Variants in IRAK3 observed in about 807,000 individuals in gnomAD.
The protein encoded by IRAK3 is interleukin 1 receptor associated kinase 3.
Under a neutral mutation model 56.6 loss-of-function variants are expected in IRAK3, and 57 were observed. That is an observed-to-expected ratio of 1.01 (90% CI 0.81 to 1.26). The LOEUF (loss-of-function observed/expected upper bound fraction) is 1.26. IRAK3 is among the 50% of genes most tolerant of loss of function. The probability of loss-of-function intolerance (pLI) is 0.00; values close to 1 mark genes in which losing one functional copy is unlikely to be tolerated. For missense variants in IRAK3, 703 were observed against 719.0 expected (o/e 0.98, Z 0.25); for synonymous variants, 258 against 255.7 (o/e 1.01, Z -0.09).
Position 66,248,301 on chromosome 12 carries a change from T to C in IRAK3, c.*130T>C. On this transcript the variant is annotated 3_prime_UTR_variant, in exon 12 of 12. Coordinates refer to ENST00000261233, the MANE Select transcript of IRAK3 (RefSeq NM_007199.3). ...CAATAGTGAGTTTGGGTGATGCAGA[T>C]AAACAATCTGGATAATTCCATTTCT... The C allele has an allele frequency of 1.5e-6, 1 of 684,128 alleles. No individual in the cohort carries two copies. 42.4% of individuals were successfully genotyped at this position (684,128 alleles called of 1,614,324 possible).
At chr12:66,224,297 G>T (rs1157679983) in intron 6 of IRAK3, among the ~76,000 whole-genome samples, 7 of 152,162 alleles carry the variant, frequency 4.6e-5, no homozygotes. Flanking sequence ...CTTCTCAGAT[G>T]TGACTAAGGC....
intron 8 of IRAK3, among the ~76,000 whole-genome samples, chr12:66,240,793 C>G (rs144523429): frequency 3.3e-4 from 49 of 148,636 alleles, no homozygotes; most frequent in Middle Eastern, 7.1e-3. Flanking sequence ...ACTGCTGGAC[C>G]CATATATATA....
At position 66,248,519 on chromosome 12, in the gene IRAK3, G is replaced by T. The variant is rs77221348; in HGVS notation, c.*348G>T. ...TAATGTCCTCTCCATCATCCTCAGTGTGAGTCCTCAGAGCCTCCATCTGCC... is the reference window on the plus strand; with the variant it reads ...TAATGTCCTCTCCATCATCCTCAGTTTGAGTCCTCAGAGCCTCCATCTGCC... On this transcript the variant is annotated 3_prime_UTR_variant, in exon 12 of 12. Coordinates refer to ENST00000261233, the MANE Select transcript of IRAK3 (RefSeq NM_007199.3). The T allele has an allele frequency of 2.8e-3, 517 of 183,458 alleles. 3 individuals are homozygous for T. Among genetic ancestry groups the T allele is most frequent in the Non-Finnish European group, 4.5e-3 (391 of 87,388 alleles). 11.4% of individuals were successfully genotyped at this position (183,458 alleles called of 1,614,324 possible). A position where few individuals can be genotyped will look rare whatever the true frequency, so the allele number is the denominator to read the frequency against.
intron 1 of IRAK3, among the ~76,000 whole-genome samples, chr12:66,195,980 A>AC (rs60733154): frequency 0.065 from 9,186 of 141,884 alleles, 354 homozygotes; most frequent in African/African-American, 0.12. Flanking sequence ...TAAAATTGAC[A>AC]CCCCCCCCCA....
chr12:66,207,780 A>G (rs1439125245), intron 2 of IRAK3, among the ~76,000 whole-genome samples: 3 of 151,424 alleles, frequency 2.0e-5, no homozygotes, highest in African/African-American at 7.3e-5. Context: ...TTTTTAATTC[A>G]TTTGTTATTT....
chr12:66,197,879 G>A (rs1409870766), intron 1 of IRAK3: 1 of 985,026 alleles, frequency 1.0e-6, no homozygotes, highest in Non-Finnish European at 1.2e-6. Context: ...CAGAGTCATG[G>A]CCTGCTGCAC....
At chr12:66,207,177 A>G (rs1330688152) in intron 2 of IRAK3, among the ~76,000 whole-genome samples, 2 of 152,146 alleles carry the variant, frequency 1.3e-5, no homozygotes, top group Non-Finnish European at 2.9e-5. Context: ...TTTTTAAAAA[A>G]TCTTCTATTT....
chr12:66,218,235 G>C (rs2052697313), intron 6 of IRAK3, among the ~76,000 whole-genome samples: 1 of 151,998 alleles, frequency 6.6e-6, no homozygotes, highest in African/African-American at 2.4e-5. Context: ...TAACACAAGA[G>C]GTGACATGAA....
chr12:66,210,911 G>A (rs879298871), intron 4 of IRAK3, among the ~76,000 whole-genome samples: 2 of 152,126 alleles, frequency 1.3e-5, no homozygotes, highest in African/African-American at 2.4e-5. Flanking sequence ...ATTTGTATTT[G>A]ATTCCTGTTT....
At chr12:66,233,005 A>G (rs1172515591) in intron 8 of IRAK3, among the ~76,000 whole-genome samples, 1 of 150,972 alleles carries the variant, frequency 6.6e-6, no homozygotes, top group Non-Finnish European at 1.5e-5. Context: ...TATTATTATT[A>G]TTATTATTAT....
At chr12:66,224,855 C>T (rs1363557343) in intron 6 of IRAK3, among the ~76,000 whole-genome samples, 27 of 152,152 alleles carry the variant, frequency 1.8e-4, no homozygotes, top group Non-Finnish European at 2.9e-5. Flanking sequence ...CTGAACAAGG[C>T]ACTCAGAACA....
chr12:66,248,387 A>G lies in IRAK3; in HGVS notation c.*216A>G. On this transcript the variant is annotated 3_prime_UTR_variant, in exon 12 of 12. Transcript: ENST00000261233. ...ATTGTTTTATCAGGATAATTGTCTC[A>G]TGACCAAATCCACGCTCAATTAGAG... 1 of 489,172 alleles carries G rather than the reference A, an allele frequency of 2.0e-6. No homozygotes were observed. Among genetic ancestry groups the G allele is most frequent in the East Asian group, 3.3e-5 (1 of 30,688 alleles). 30.3% of individuals were successfully genotyped at this position (489,172 alleles called of 1,614,324 possible).
At chr12:66,200,642 A>G (rs951382981) in intron 1 of IRAK3, among the ~76,000 whole-genome samples, 4 of 152,208 alleles carry the variant, frequency 2.6e-5, no homozygotes, top group African/African-American at 9.6e-5. Context: ...CATAAAGTTG[A>G]GGTAAATTGA....
At position 66,215,790 on chromosome 12, in the gene IRAK3, A is replaced by ACGTG. The variant is rs1225435769; in HGVS notation, c.589-1380_589-1379insGTGC. ...CCCCCTATTTTAACCCAACATGCAC[A>ACGTG]CACACACACACACACACACACACAC... On this transcript the variant is annotated intron_variant, in intron 5 of 11. Transcript: ENST00000261233. 7.9e-3 allele frequency among the ~76,000 whole-genome samples: 817 copies of ACGTG among 103,148 alleles called. 24 individuals carry two copies. Among genetic ancestry groups the ACGTG allele is most frequent in the African/African-American group, 0.023 (764 of 32,644 alleles). 67.7% of individuals were successfully genotyped at this position (103,148 alleles called of 152,430 possible). A position where few individuals can be genotyped will look rare whatever the true frequency, so the allele number is the denominator to read the frequency against.
intron 1 of IRAK3, among the ~76,000 whole-genome samples, chr12:66,202,929 T>G (rs1168762): frequency 0.46 from 69,454 of 151,802 alleles, 17,835 homozygotes; most frequent in African/African-American, 0.7. Flanking sequence ...TTAACCTGTA[T>G]GGTAAAATAA....
intron 6 of IRAK3, among the ~76,000 whole-genome samples, chr12:66,221,178 T>C (rs2052729582): frequency 6.6e-6 from 1 of 152,226 alleles, no homozygotes; most frequent in Non-Finnish European, 1.5e-5. Context: ...TTGTTCATTG[T>C]TAGCATATAG....
intron 1 of IRAK3, among the ~76,000 whole-genome samples, chr12:66,193,367 T>G (rs1313718528): frequency 1.3e-5 from 2 of 152,170 alleles, no homozygotes; most frequent in Non-Finnish European, 2.9e-5. Flanking sequence ...TAGCAGATAG[T>G]AGGAAGAGTT....
Position 66,251,173 on chromosome 12 carries a change from G to T in IRAK3, c.*3002G>T, listed in dbSNP as rs1353114923. 6.6e-6 allele frequency: 1 copy of T among 152,222 alleles called. No individual in the cohort carries two copies. The highest frequency in any genetic ancestry group is 1.5e-5 in the Non-Finnish European group (1 of 68,042). 9.4% of individuals were successfully genotyped at this position (152,222 alleles called of 1,614,324 possible). Reference sequence around the variant, plus strand: ...TAACTATTTTGGACACCTCAAAGATGAAGTCAGATAAGCTGGCAGTGACCT... The same window carrying T: ...TAACTATTTTGGACACCTCAAAGATTAAGTCAGATAAGCTGGCAGTGACCT... On this transcript the variant is annotated 3_prime_UTR_variant, in exon 12 of 12. Transcript: ENST00000261233.
intron 8 of IRAK3, chr12:66,234,093 T>C: frequency 6.2e-7 from 1 of 1,614,036 alleles, no homozygotes; most frequent in Non-Finnish European, 8.5e-7. Context: ...GGTTGAAAGG[T>C]ATATGGAGAA....
Sources: allele counts gnomAD v4.1 joint callset (sites outside exome capture counted in the v4.1 genomes callset), GRCh38; gene constraint gnomAD v4.1.1; transcripts MANE v1.5; gene names NCBI Gene and HGNC (gene_info 2026-07-23, HGNC 2026-07-21).